Variants in CCBE1 observed in about 807,000 individuals in gnomAD.
The protein encoded by CCBE1 is collagen and calcium-binding EGF domain-containing protein 1.
CCBE1 carries 37 observed loss-of-function variants against 50.0 expected under a neutral mutation model. That is an observed-to-expected ratio of 0.74 (90% CI 0.57 to 0.97). The LOEUF is 0.97. Among genes scored for constraint, CCBE1 ranks in the 50% least tolerant of loss-of-function variants. The pLI is 0.00. For synonymous variants in CCBE1, 234 were observed against 203.7 expected (o/e 1.15, Z -1.27); for missense variants, 538 against 523.8 (o/e 1.03, Z -0.26).
At chr18:59,525,055 A>G (rs111899273) in intron 2 of CCBE1, among the ~76,000 whole-genome samples, 174 of 152,302 alleles carry the variant, frequency 1.1e-3, no homozygotes, top group African/African-American at 3.8e-3. Flanking sequence ...ATGTATCTTT[A>G]TAAGAGAATG....
At chr18:59,675,674 C>T (rs117978865) in intron 2 of CCBE1, among the ~76,000 whole-genome samples, 1,592 of 152,290 alleles carry the variant, frequency 0.01, 38 homozygotes, top group Admixed American at 0.042. Context: ...AAACATGCAT[C>T]AGAGAGCAGA....
chr18:59,591,449 GATATCCCTA>G (rs1313445479), intron 2 of CCBE1, among the ~76,000 whole-genome samples: 10 of 152,118 alleles, frequency 6.6e-5, no homozygotes, highest in Middle Eastern at 3.4e-3. Flanking sequence ...ATTAAAGGCT[GATATCCCTA>G]ATATGTATTA....
chr18:59,582,943 G>T (rs531437104), intron 2 of CCBE1, among the ~76,000 whole-genome samples: 32 of 152,152 alleles, frequency 2.1e-4, no homozygotes, highest in African/African-American at 7.5e-4. Flanking sequence ...CTCCTAAGTA[G>T]CTGTGACTGA....
intron 2 of CCBE1, among the ~76,000 whole-genome samples, chr18:59,552,818 C>CT (rs1915976426): frequency 1.3e-5 from 2 of 152,212 alleles, no homozygotes; most frequent in East Asian, 3.8e-4. Flanking sequence ...TCACCATACA[C>CT]TTATGTCTTT....
In CCBE1 at chr18:59,436,081, T is replaced by C. The variant is rs769550416; in HGVS notation, c.1048A>G (p.Thr350Ala). 4 of 1,614,170 alleles carry C rather than the reference T, an allele frequency of 2.5e-6. No homozygotes were observed. Among genetic ancestry groups the C allele is most frequent in the South Asian group, 1.1e-5 (1 of 91,090 alleles). Residue 350 changes from threonine (T) to alanine (A), a missense_variant, in exon 11 of 11, where the codon ACT (threonine) becomes GCT (alanine). Transcript: ENST00000439986. ...CCGAACACCTTTTCCTGCAGCTCAGTGATGTCATTGCGGATGTCAGCCAGC... is the reference window on the plus strand; with the variant it reads ...CCGAACACCTTTTCCTGCAGCTCAGCGATGTCATTGCGGATGTCAGCCAGC... ...LMLADIRNDI[T>A]ELQEKVFGHR...
chr18:59,666,599 A>T (rs2054360391), intron 2 of CCBE1, among the ~76,000 whole-genome samples: 1 of 151,744 alleles, frequency 6.6e-6, no homozygotes, highest in Admixed American at 6.6e-5. Flanking sequence ...GCAAAGCTAC[A>T]AGACACTTTT....
In CCBE1 at chr18:59,448,367, CATT is replaced by C. The variant is rs532428069; in HGVS notation, c.655-267_655-265del. On this transcript the variant is annotated intron_variant, in intron 6 of 10. Coordinates refer to ENST00000439986, the MANE Select transcript of CCBE1 (RefSeq NM_133459.4). ...AGATGGCCTAGATATCACTAGAACT[CATT>C]ATTACCATAATTAATGGGATCTACT... Among the ~76,000 whole-genome samples, 30 of 152,278 alleles carry C rather than the reference CATT, an allele frequency of 2.0e-4. No individual in the cohort carries two copies. In the South Asian group the frequency reaches 2.7e-3, roughly 14 times the overall value.
At chr18:59,510,273 G>A (rs1914074460) in intron 2 of CCBE1, among the ~76,000 whole-genome samples, 1 of 152,204 alleles carries the variant, frequency 6.6e-6, no homozygotes, top group Admixed American at 6.5e-5. Context: ...AGAGGGAGCA[G>A]GGTGCTATGT....
chr18:59,539,341 G>A (rs1382548288), intron 2 of CCBE1, among the ~76,000 whole-genome samples: 1 of 152,156 alleles, frequency 6.6e-6, no homozygotes, highest in African/African-American at 2.4e-5. Flanking sequence ...AACTGAGAGT[G>A]GGCAACAGTC....
intron 2 of CCBE1, among the ~76,000 whole-genome samples, chr18:59,565,516 A>C (rs927999486): frequency 3.0e-4 from 46 of 152,298 alleles, no homozygotes; most frequent in African/African-American, 1.1e-3. Context: ...CCAGCCCCAC[A>C]CCTGGCCCCA....
At chr18:59,486,153 G>T (rs1387495922) in intron 2 of CCBE1, among the ~76,000 whole-genome samples, 1 of 152,162 alleles carries the variant, frequency 6.6e-6, no homozygotes, top group Non-Finnish European at 1.5e-5. Context: ...TGAATAAATA[G>T]TATCTGCCTT....
At chr18:59,492,572 C>T (rs530832825) in intron 2 of CCBE1, among the ~76,000 whole-genome samples, 9 of 152,210 alleles carry the variant, frequency 5.9e-5, no homozygotes, top group Non-Finnish European at 1.3e-4. Flanking sequence ...AATGTGATTG[C>T]GGAGGTGATG....
intron 2 of CCBE1, among the ~76,000 whole-genome samples, chr18:59,628,820 G>A (rs2053818611): frequency 6.6e-6 from 1 of 152,224 alleles, no homozygotes; most frequent in South Asian, 2.1e-4. Context: ...CCACCAACCT[G>A]CCTAGCTATA....
intron 2 of CCBE1, among the ~76,000 whole-genome samples, chr18:59,494,321 T>A (rs1480192036): frequency 1.3e-5 from 2 of 152,192 alleles, no homozygotes; most frequent in Non-Finnish European, 2.9e-5. Context: ...AAGCTCAGCT[T>A]TCCTCTGGGG....
At chr18:59,496,787 T>C (rs1406940318) in intron 2 of CCBE1, among the ~76,000 whole-genome samples, 1 of 152,234 alleles carries the variant, frequency 6.6e-6, no homozygotes, top group Non-Finnish European at 1.5e-5. Context: ...ACATTCATTT[T>C]GTATCCCTGC....
intron 2 of CCBE1, among the ~76,000 whole-genome samples, chr18:59,543,371 T>G (rs973045708): frequency 6.6e-6 from 1 of 152,170 alleles, no homozygotes; most frequent in Admixed American, 6.5e-5. Flanking sequence ...ATTTTTATTG[T>G]TTTCCTCCCA....
chr18:59,494,188 C>A (rs773179227), intron 2 of CCBE1, among the ~76,000 whole-genome samples: 1 of 152,276 alleles, frequency 6.6e-6, no homozygotes, highest in East Asian at 1.9e-4. Flanking sequence ...ATTTCAGGAG[C>A]CAGGGAAATA....
Position 59,676,379 on chromosome 18 carries a change from G to C in CCBE1, c.212+20250C>G, listed in dbSNP as rs560659378. On this transcript the variant is annotated intron_variant, in intron 2 of 10. Coordinates refer to ENST00000439986, the MANE Select transcript of CCBE1 (RefSeq NM_133459.4). Reference sequence around the variant, plus strand: ...CCATGGCAAGTCTATGGCTCTTTATGTTGTAGGCTCTTAGCCTCAATGCCA... The same window carrying C: ...CCATGGCAAGTCTATGGCTCTTTATCTTGTAGGCTCTTAGCCTCAATGCCA... Among the ~76,000 whole-genome samples the C allele has an allele frequency of 4.6e-5, 7 of 152,300 alleles. No homozygotes were observed. In the South Asian group the frequency reaches 1.0e-3, roughly 23 times the overall value.
At chr18:59,591,815 C>A (rs1481421140) in intron 2 of CCBE1, among the ~76,000 whole-genome samples, 1 of 152,200 alleles carries the variant, frequency 6.6e-6, no homozygotes, top group African/African-American at 2.4e-5. Flanking sequence ...GGTATTCGTG[C>A]TTCAGATACA....
Sources: allele counts gnomAD v4.1 joint callset (sites outside exome capture counted in the v4.1 genomes callset), GRCh38; gene constraint gnomAD v4.1.1; transcripts MANE v1.5; gene names NCBI Gene and HGNC (gene_info 2026-07-23, HGNC 2026-07-21).